EVA1A: variants seen among roughly 807,000 people sequenced by gnomAD.
The protein encoded by EVA1A is protein eva-1 homolog A.
In EVA1A, 7 loss-of-function variants were observed where a neutral mutation model predicts 9.8. The observed-to-expected ratio is 0.71, with a 90% CI of 0.41 to 1.34. The LOEUF is 1.34. EVA1A is among the 40% of genes most tolerant of loss of function. The pLI is 0.01. For missense variants in EVA1A, 206 were observed against 205.9 expected, an observed-to-expected ratio of 1.00 and a Z score of 0.00; for synonymous variants, 90 against 85.6, an observed-to-expected ratio of 1.05 and a Z score of -0.28.
intron 1 of EVA1A, among the ~76,000 whole-genome samples, chr2:75,536,362 C>G (rs1232565012): frequency 6.6e-6 from 1 of 151,706 alleles, no homozygotes; most frequent in African/African-American, 2.4e-5. Context: ...AAACACCTCC[C>G]CCCCAAATAA....
chr2:75,506,335 T>C lies in EVA1A; in HGVS notation c.85+11721A>G, dbSNP rs373528894. ...ATACTATTATAGCTCTTGATACACA[T>C]TGCCAAGTGGGTTTTGAAAAGTGTT... On this transcript the variant is annotated intron_variant, in intron 3 of 3. Transcript: ENST00000393913. Among the ~76,000 whole-genome samples the C allele has an allele frequency of 8.4e-4, 128 of 152,354 alleles. 2 individuals are homozygous for C. The highest frequency in any genetic ancestry group is 3.0e-3 in the African/African-American group (123 of 41,578).
chr2:75,523,164 C>T (rs916426274), intron 1 of EVA1A, among the ~76,000 whole-genome samples: 2 of 152,218 alleles, frequency 1.3e-5, no homozygotes, highest in African/African-American at 4.8e-5. Context: ...ACTGTGGCTT[C>T]CGACTTCTGC....
intron 1 of EVA1A, among the ~76,000 whole-genome samples, chr2:75,535,314 G>GAAAAAAAA (rs1675840990): frequency 1.2e-5 from 1 of 85,358 alleles, no homozygotes. Flanking sequence ...AAAAAAAAAG[G>GAAAAAAAA]GAACTCTTGT....
intron 1 of EVA1A, among the ~76,000 whole-genome samples, chr2:75,536,291 C>T (rs567334398): frequency 1.8e-4 from 28 of 152,142 alleles, no homozygotes; most frequent in Admixed American, 5.2e-4. Flanking sequence ...GCTGAGAGCA[C>T]GCCACTGCAC....
intron 1 of EVA1A, among the ~76,000 whole-genome samples, chr2:75,544,760 T>C (rs1226664224): frequency 6.6e-6 from 1 of 152,248 alleles, no homozygotes; most frequent in African/African-American, 2.4e-5. Flanking sequence ...AATTAAACAA[T>C]TGTTACATAG....
In EVA1A at chr2:75,492,901, AAC is replaced by A. The variant is rs1674079573; in HGVS notation, c.*333_*334del. Reference sequence around the variant, plus strand: ...ATGATCTTTCCTTTTGCAAAGGAATAACACAGAGCAAGGAAGTCTGCTGAAAC... The same window carrying A: ...ATGATCTTTCCTTTTGCAAAGGAATAACAGAGCAAGGAAGTCTGCTGAAAC... On this transcript the variant is annotated 3_prime_UTR_variant, in exon 4 of 4. Coordinates refer to ENST00000393913, the MANE Select transcript of EVA1A (RefSeq NM_001135032.2). 1 of 287,948 alleles carries A rather than the reference AAC, an allele frequency of 3.5e-6. No homozygotes were observed. The highest frequency in any genetic ancestry group is 2.2e-5 in the African/African-American group (1 of 45,538). The allele number at this position is 287,948 out of a possible 1,614,324, so 17.8% of individuals were successfully genotyped here. A position where few individuals can be genotyped will look rare whatever the true frequency, so the allele number is the denominator to read the frequency against.
intron 1 of EVA1A, chr2:75,540,591 C>T (rs1676077824): frequency 6.6e-6 from 1 of 152,144 alleles, no homozygotes; most frequent in Non-Finnish European, 1.5e-5. Context: ...GCAGCATGTG[C>T]AAAATTTATT....
intron 1 of EVA1A, among the ~76,000 whole-genome samples, chr2:75,557,940 C>T (rs1378390836): frequency 6.6e-6 from 1 of 152,236 alleles, no homozygotes; most frequent in Non-Finnish European, 1.5e-5. Context: ...ATTAACTGAG[C>T]ACTTATTATA....
chr2:75,517,962 T>C, intron 3 of EVA1A, 94 bp downstream of exon 3: 1 of 1,429,608 alleles, frequency 7.0e-7, no homozygotes, highest in Non-Finnish European at 9.8e-7. Context: ...TAGTGTGTCT[T>C]TACTGAGAAT....
chr2:75,499,861 G>A (rs753256304), intron 3 of EVA1A, among the ~76,000 whole-genome samples: 2 of 152,164 alleles, frequency 1.3e-5, no homozygotes, highest in African/African-American at 2.4e-5. Flanking sequence ...GGCCGTACTC[G>A]AGATAAGCAG....
intron 3 of EVA1A, among the ~76,000 whole-genome samples, chr2:75,503,949 C>T (rs1572948267): frequency 6.6e-6 from 1 of 152,212 alleles, no homozygotes; most frequent in East Asian, 1.9e-4. Context: ...ACATTATATA[C>T]ATGTAACAAA....
rs143961528 is a variant in EVA1A at position 75,519,832 on chromosome 2, A to T, written c.-68-1624T>A. Among the ~76,000 whole-genome samples, 4 of 151,372 alleles carry T rather than the reference A, an allele frequency of 2.6e-5. No individual in the cohort carries two copies. The East Asian group carries it at 8.0e-4, about 30-fold the overall frequency. ...CCATTCCCTCCTTCCTGTCTCCACT[A>T]ATGTTACCAGATTGCAAGTCTTATC... On this transcript the variant is annotated intron_variant, in intron 2 of 3. Coordinates refer to ENST00000393913, the MANE Select transcript of EVA1A (RefSeq NM_001135032.2).
At chr2:75,564,686 C>A (rs1676993935), upstream of EVA1A, among the ~76,000 whole-genome samples, 1 of 152,186 alleles carries the variant, frequency 6.6e-6, no homozygotes. Flanking sequence ...GGATCGTGTT[C>A]CACCCATGAC....
Position 75,568,300 on chromosome 2 carries a change from ATTG to A in EVA1A, c.-192+1173_-192+1175del, listed in dbSNP as rs1182749476. ...ATTATTTGATAATGAATAATAAATC[ATTG>A]TTACCAATCAATAATTATTATTAAA... On this transcript the variant is annotated intron_variant, in intron 1 of 3. Coordinates refer to the EVA1A transcript ENST00000233712. 3.3e-5 allele frequency among the ~76,000 whole-genome samples: 5 copies of A among 151,396 alleles called. No individual in the cohort carries two copies. The East Asian group carries it at 7.7e-4, about 23-fold the overall frequency.
In EVA1A at chr2:75,517,781, A is replaced by G. The variant is rs765605476; in HGVS notation, c.85+275T>C. ...GAGTTAATGCATAGTGACAGAAGCCAACAGTAGCCCTGGGCCACTTCAATC... is the reference window on the plus strand; with the variant it reads ...GAGTTAATGCATAGTGACAGAAGCCGACAGTAGCCCTGGGCCACTTCAATC... On this transcript the variant is annotated intron_variant, in intron 3 of 3. Coordinates refer to ENST00000393913, the MANE Select transcript of EVA1A (RefSeq NM_001135032.2). The G allele has an allele frequency of 6.3e-5, 45 of 718,242 alleles. No homozygotes were observed. The South Asian group carries it at 6.7e-4, about 11-fold the overall frequency. The allele number at this position is 718,242 out of a possible 1,614,324, so 44.5% of individuals were successfully genotyped here.
chr2:75,523,216 C>T (rs1675294215), intron 1 of EVA1A, among the ~76,000 whole-genome samples: 1 of 152,178 alleles, frequency 6.6e-6, no homozygotes, highest in Admixed American at 6.5e-5. Flanking sequence ...CTATTTCTTC[C>T]CCAAAATGGA....
chr2:75,519,105 C>T (rs1010402762), intron 2 of EVA1A, among the ~76,000 whole-genome samples: 7 of 152,194 alleles, frequency 4.6e-5, no homozygotes, highest in African/African-American at 1.4e-4. Context: ...TCCCCAGCTG[C>T]TGCAGCACAA....
At position 75,493,215 on chromosome 2, in the gene EVA1A, T is replaced by C. The variant is rs1398698475; in HGVS notation, c.*21A>G. ...CTCCTTTCCAGGCGGCCTCCAGTGGTTTCCGGGGTCCTGCTGCTCCCTAAT... is the reference window on the plus strand; with the variant it reads ...CTCCTTTCCAGGCGGCCTCCAGTGGCTTCCGGGGTCCTGCTGCTCCCTAAT... On this transcript the variant is annotated 3_prime_UTR_variant, in exon 4 of 4. Transcript: ENST00000393913. 6.3e-7 allele frequency: 1 copy of C among 1,590,938 alleles called. No homozygotes were observed. Among genetic ancestry groups the C allele is most frequent in the East Asian group, 2.2e-5 (1 of 44,680 alleles).
At chr2:75,495,152 G>A (rs899153477) in intron 3 of EVA1A, among the ~76,000 whole-genome samples, 2 of 151,962 alleles carry the variant, frequency 1.3e-5, no homozygotes, top group Non-Finnish European at 2.9e-5. Context: ...GTGTATATTT[G>A]GACAATTTTT....
Sources: gnomAD v4.1 joint callset for allele counts (sites outside exome capture counted in the v4.1 genomes callset) on GRCh38, gnomAD v4.1.1 for gene constraint, MANE v1.5 for transcripts, NCBI Gene and HGNC (gene_info 2026-07-23, HGNC 2026-07-21) for gene names.